Variants in RNF214 observed in about 807,000 individuals in gnomAD.
The protein encoded by RNF214 is ring finger protein 214.
In RNF214, 25 loss-of-function variants were observed where a neutral mutation model predicts 75.9. That is an observed-to-expected ratio of 0.33 (90% CI 0.24 to 0.46). The LOEUF (loss-of-function observed/expected upper bound fraction) is 0.46. RNF214 is among the 20% of genes least tolerant of loss of function. RNF214 has a pLI of 1.00. For synonymous variants in RNF214, 314 were observed against 308.8 expected, an observed-to-expected ratio of 1.02 and a Z score of -0.18; for missense variants, 725 against 857.5, an observed-to-expected ratio of 0.85 and a Z score of 1.93.
At chr11:117,252,733 G>C (rs1466428531) in intron 6 of RNF214, among the ~76,000 whole-genome samples, 1 of 151,636 alleles carries the variant, frequency 6.6e-6, no homozygotes, top group Non-Finnish European at 1.5e-5. Context: ...TGTTAGCCAG[G>C]ATGGTCTCGC....
At chr11:117,251,389 C>T (rs1317843922) in intron 6 of RNF214, among the ~76,000 whole-genome samples, 1 of 145,648 alleles carries the variant, frequency 6.9e-6, no homozygotes, top group Non-Finnish European at 1.5e-5. Context: ...GCTGACCCCC[C>T]CACCTCCCTC....
intron 6 of RNF214, among the ~76,000 whole-genome samples, chr11:117,270,347 T>A (rs887330125): frequency 9.7e-5 from 14 of 144,054 alleles, no homozygotes; most frequent in Non-Finnish European, 1.7e-4. Context: ...AGCCTTGACC[T>A]CCTGGGCTGC....
chr11:117,267,202 A>G (rs1390841929), intron 6 of RNF214, among the ~76,000 whole-genome samples: 1 of 151,934 alleles, frequency 6.6e-6, no homozygotes, highest in African/African-American at 2.4e-5. Flanking sequence ...TTGCCCTTGC[A>G]TTTTTGTAAC....
chr11:117,282,331 C>T (rs2134423075), intron 11 of RNF214, 61 bp downstream of exon 11: 1 of 1,590,580 alleles, frequency 6.3e-7, no homozygotes, highest in Non-Finnish European at 8.6e-7. Flanking sequence ...TGGGTTAAAA[C>T]AGAGGAGGTT....
rs1460104488 is a variant in RNF214 at position 117,245,772 on chromosome 11, TAATG to T, written c.820-1036_820-1033del. On this transcript the variant is annotated intron_variant, in intron 5 of 14. Coordinates refer to ENST00000300650, the MANE Select transcript of RNF214 (RefSeq NM_207343.4). The stretch of plus-strand genomic sequence containing the variant: ...AAGTAAAAGAAATCAGAATGCAAAA[TAATG>T]TATGTAAAATGACCCCATTTAAAAA... Among the ~76,000 whole-genome samples the T allele has an allele frequency of 6.6e-5, 10 of 152,218 alleles. No individual in the cohort carries two copies. The East Asian group carries it at 1.3e-3, about 21-fold the overall frequency.
At chr11:117,236,365 C>T (rs1356122970) in intron 2 of RNF214, among the ~76,000 whole-genome samples, 1 of 152,134 alleles carries the variant, frequency 6.6e-6, no homozygotes, top group East Asian at 1.9e-4. Context: ...CCTCTGCCTC[C>T]CGAGTTCAAG....
At chr11:117,270,734 C>G (rs2033894134) in intron 6 of RNF214, among the ~76,000 whole-genome samples, 1 of 152,104 alleles carries the variant, frequency 6.6e-6, no homozygotes, top group African/African-American at 2.4e-5. Flanking sequence ...AGGCATGAGC[C>G]ACCTCACCCA....
chr11:117,261,888 T>TC (rs1426575883), intron 6 of RNF214, among the ~76,000 whole-genome samples: 2 of 151,830 alleles, frequency 1.3e-5, no homozygotes, highest in Non-Finnish European at 2.9e-5. Context: ...TCAAGCCGTC[T>TC]GCCTGGCTCA....
At chr11:117,243,116 C>T (rs2033123482) in intron 4 of RNF214, among the ~76,000 whole-genome samples, 1 of 150,112 alleles carries the variant, frequency 6.7e-6, no homozygotes. Context: ...AAGGTCCTAT[C>T]TTGAGAGCCT....
chr11:117,261,424 A>G (rs1228798351), intron 6 of RNF214, among the ~76,000 whole-genome samples: 1 of 152,042 alleles, frequency 6.6e-6, no homozygotes, highest in Admixed American at 6.6e-5. Context: ...TACCAAAAAT[A>G]TAAAAATTAG....
intron 6 of RNF214, among the ~76,000 whole-genome samples, chr11:117,260,502 G>C (rs886619463): frequency 5.9e-5 from 9 of 152,012 alleles, no homozygotes; most frequent in African/African-American, 2.2e-4. Context: ...TGATATACTT[G>C]TCTATATACT....
In RNF214 at chr11:117,283,049, T is replaced by C. The variant is rs368099140; in HGVS notation, c.1951-66T>C. ...TAAATCTTTTTGCTGCATGGAATTA[T>C]GGGCATAAAAGGCAAGGAGACCCAG... On this transcript the variant is annotated intron_variant, in intron 13 of 14. Transcript: ENST00000300650. The C allele has an allele frequency of 7.8e-6, 9 of 1,154,058 alleles. No individual in the cohort carries two copies. In the East Asian group the frequency reaches 1.9e-4, roughly 24 times the overall value. The allele number at this position is 1,154,058 out of a possible 1,614,324, so 71.5% of individuals were successfully genotyped here.
chr11:117,281,694 C>G lies in RNF214; in HGVS notation c.1331C>G (p.Ser444Ter). Residue 444 changes from serine (S) to a stop codon, truncating the protein, a stop_gained, in exon 10 of 15, where the codon TCA becomes TGA. Transcript: ENST00000300650. LOFTEE classifies it high-confidence loss of function. ...IPTPTLPPPP[S>*]ETDFMLQVFQ... ...ACTCCCACTTTACCTCCACCCCCAT[C>G]AGAGGTAAGAGAGTGGCTTTGGGGG... is the stretch of plus-strand genomic sequence containing the variant. The G allele has an allele frequency of 6.2e-7, 1 of 1,609,982 alleles. No homozygotes were observed. The highest frequency in any genetic ancestry group is 8.5e-7 in the Non-Finnish European group (1 of 1,176,286).
At chr11:117,254,326 C>G (rs1204830198) in intron 6 of RNF214, among the ~76,000 whole-genome samples, 2 of 152,026 alleles carry the variant, frequency 1.3e-5, no homozygotes, top group African/African-American at 4.8e-5. Context: ...AATCCTAGCC[C>G]TTGAATGTAC....
intron 6 of RNF214, among the ~76,000 whole-genome samples, chr11:117,250,538 A>G (rs926864451): frequency 7.2e-5 from 11 of 151,996 alleles, no homozygotes; most frequent in Non-Finnish European, 1.2e-4. Context: ...GTGGCAAAAA[A>G]AATGCAACAA....
At chr11:117,253,961 G>C (rs1411915836) in intron 6 of RNF214, among the ~76,000 whole-genome samples, 1 of 151,596 alleles carries the variant, frequency 6.6e-6, no homozygotes, top group Non-Finnish European at 1.5e-5. Flanking sequence ...TGTAATATAA[G>C]AGTCTATGTT....
At chr11:117,246,980 G>A (rs777572971) in intron 6 of RNF214, 32 bp downstream of exon 6, 9 of 1,564,298 alleles carry the variant, frequency 5.8e-6, no homozygotes, top group Non-Finnish European at 6.9e-6. Context: ...AACCCTGTGT[G>A]TATGTATATA....
intron 6 of RNF214, among the ~76,000 whole-genome samples, chr11:117,272,193 C>CT (rs934024164): frequency 6.6e-6 from 1 of 152,132 alleles, no homozygotes; most frequent in Non-Finnish European, 1.5e-5. Flanking sequence ...TGCCACTGTA[C>CT]TCCAGCCTGG....
chr11:117,238,908 T>G lies in RNF214; in HGVS notation c.415T>G (p.Cys139Gly). ...HPVTRSLKAG[C>G]HTKQLASRNC... ...AGTCACTCGGTCTCTTAAGGCAGGG[T>G]GCCATACTAAGCAGCTTGCCTCCAG... Residue 139 changes from cysteine (C) to glycine (G), a missense_variant, in exon 3 of 15, where the codon TGC becomes GGC. By Grantham distance (159) the Cys-to-Gly change is radical. This residue lies in a region of RNF214 where 362 missense variants were observed against 344.5 expected (regional missense o/e 1.05). Transcript: ENST00000300650. The G allele has an allele frequency of 6.2e-7, 1 of 1,614,108 alleles. No homozygotes were observed. The highest frequency in any genetic ancestry group is 8.5e-7 in the Non-Finnish European group (1 of 1,180,030).
Sources: gnomAD v4.1 joint callset for allele counts (sites outside exome capture counted in the v4.1 genomes callset) on GRCh38, gnomAD v4.1.1 for gene constraint, gnomAD v4.1.1 regional missense constraint, MANE v1.5 for transcripts, NCBI Gene and HGNC (gene_info 2026-07-23, HGNC 2026-07-21) for gene names.